Variants in VWA2 observed in about 807,000 individuals in gnomAD.
The protein encoded by VWA2 is von Willebrand factor A domain containing 2.
VWA2 carries 73 observed loss-of-function variants against 70.4 expected under a neutral mutation model. The ratio of observed to expected loss-of-function variants is 1.04; its 90% confidence interval spans 0.86 to 1.26. VWA2 has a LOEUF of 1.26. Among genes scored for constraint, VWA2 ranks in the 50% most tolerant of loss-of-function variants. VWA2 has a pLI of 0.00. For synonymous variants in VWA2, 407 were observed against 423.3 expected, an observed-to-expected ratio of 0.96 and a Z score of 0.47; for missense variants, 1,011 against 998.5, an observed-to-expected ratio of 1.01 and a Z score of -0.17.
Position 114,294,081 on chromosome 10 carries a change from C to T in VWA2, c.*2844C>T, listed in dbSNP as rs2039845584. Among the ~76,000 whole-genome samples, 1 of 152,038 alleles carries T rather than the reference C, an allele frequency of 6.6e-6. No individual in the cohort carries two copies. Among genetic ancestry groups the T allele is most frequent in the Non-Finnish European group, 1.5e-5 (1 of 68,004 alleles). The stretch of plus-strand genomic sequence containing the variant: ...ATTATCTGTTAATGTGATAGGTTAT[C>T]CATTTGTGTATTTTCAATCATTGAA... On this transcript the variant is annotated 3_prime_UTR_variant, in exon 14 of 14. Coordinates refer to ENST00000392982, the MANE Select transcript of VWA2 (RefSeq NM_001272046.2).
chr10:114,283,561 G>A (rs190381121), intron 9 of VWA2, among the ~76,000 whole-genome samples: 1 of 152,316 alleles, frequency 6.6e-6, no homozygotes, highest in African/African-American at 2.4e-5. Context: ...TTGGAAACTA[G>A]AGTGAAATGG....
chr10:114,269,076 C>A (rs1043827866), intron 5 of VWA2, among the ~76,000 whole-genome samples: 1 of 152,152 alleles, frequency 6.6e-6, no homozygotes, highest in Non-Finnish European at 1.5e-5. Flanking sequence ...TTACCTTGGT[C>A]GCAAGCCAGC....
At chr10:114,282,482 G>A (rs1459213778) in intron 8 of VWA2, 34 bp from the exon 9 acceptor site, 3 of 1,592,520 alleles carry the variant, frequency 1.9e-6, no homozygotes, top group Non-Finnish European at 2.6e-6. Context: ...TTACACCTCT[G>A]ATCTGTCTAT....
In VWA2 at chr10:114,242,327, A is replaced by G. The variant is rs1220032431; in HGVS notation, c.-11+2758A>G. ...AGAGAGAAGGAAATTGAGAGACTGA[A>G]GTGGAGGAATTTACCCAGGAGGCTC... On this transcript the variant is annotated intron_variant, in intron 1 of 13. Transcript: ENST00000392982. Among the ~76,000 whole-genome samples, 4 of 152,284 alleles carry G rather than the reference A, an allele frequency of 2.6e-5. No homozygotes were observed. In the East Asian group the frequency reaches 5.8e-4, roughly 22 times the overall value.
At chr10:114,281,731 T>C in intron 8 of VWA2, 1 of 985,384 alleles carries the variant, frequency 1.0e-6, no homozygotes, top group Non-Finnish European at 1.2e-6. Context: ...GCGGGAGGCC[T>C]GGAGCCTTGC....
rs775094333 is a variant in VWA2, at chr10:114,289,145, C to T, written c.1778C>T (p.Ala593Val). The T allele has an allele frequency of 2.0e-5, 33 of 1,613,716 alleles. No homozygotes were observed. The highest frequency in any genetic ancestry group is 5.5e-5 in the South Asian group (5 of 91,054). Reference protein sequence around the residue: ...FGLDTKPTRAAMLRAISQAPY... With the variant: ...FGLDTKPTRAVMLRAISQAPY... ...CTGGACACCAAACCCACCCGGGCTG[C>T]GATGCTGCGGGCCATTAGCCAGGCC... Residue 593 changes from alanine (A) to valine (V), a missense_variant, in exon 12 of 14, where the codon GCG becomes GTG. Ala to Val is a moderately conservative substitution (Grantham distance 64, BLOSUM62 0). Transcript: ENST00000392982.
At chr10:114,289,520 G>T in intron 12 of VWA2, 31 bp downstream of exon 12, 1 of 1,609,998 alleles carries the variant, frequency 6.2e-7, no homozygotes, top group South Asian at 1.1e-5. Context: ...CCTCAGGGCT[G>T]CCCCCATGGC....
chr10:114,285,111 A>C (rs1461521661), intron 10 of VWA2, 141 bp downstream of exon 10: 8 of 619,852 alleles, frequency 1.3e-5, no homozygotes, highest in Non-Finnish European at 1.8e-5. Context: ...ACTGGTCTGC[A>C]GTTCACGTGG....
At chr10:114,278,132 C>G in intron 7 of VWA2, 85 bp downstream of exon 7, 2 of 1,524,350 alleles carry the variant, frequency 1.3e-6, no homozygotes, top group Non-Finnish European at 1.8e-6. Context: ...GACCCAGGAG[C>G]CTCCCAAGGA....
chr10:114,240,494 A>G (rs2036956526), intron 1 of VWA2, among the ~76,000 whole-genome samples: 1 of 152,236 alleles, frequency 6.6e-6, no homozygotes, highest in Non-Finnish European at 1.5e-5. Flanking sequence ...GATGTCTTGG[A>G]GATTGGAATA....
chr10:114,286,612 G>C (rs999139659), intron 11 of VWA2, 101 bp downstream of exon 11: 32 of 1,055,714 alleles, frequency 3.0e-5, no homozygotes, highest in Non-Finnish European at 4.3e-5. Flanking sequence ...GCCTCTTCTA[G>C]GGGCTGAAAC....
chr10:114,265,247 T>G (rs1433147122), intron 5 of VWA2, among the ~76,000 whole-genome samples: 1 of 148,376 alleles, frequency 6.7e-6, no homozygotes, highest in African/African-American at 2.4e-5. Flanking sequence ...GAATTTTATG[T>G]TATGTAAGTT....
At chr10:114,262,000 G>A (rs2037454668) in intron 5 of VWA2, among the ~76,000 whole-genome samples, 2 of 152,046 alleles carry the variant, frequency 1.3e-5, no homozygotes. Context: ...AGAGGAGGAG[G>A]TGACACACAT....
chr10:114,273,260 G>A (rs2037751941), intron 6 of VWA2, among the ~76,000 whole-genome samples: 1 of 152,126 alleles, frequency 6.6e-6, no homozygotes, highest in African/African-American at 2.4e-5. Flanking sequence ...CAGGAGCCAG[G>A]GACTTCAGTG....
At chr10:114,283,208 C>T (rs896037183) in intron 9 of VWA2, among the ~76,000 whole-genome samples, 1 of 152,066 alleles carries the variant, frequency 6.6e-6, no homozygotes, top group African/African-American at 2.4e-5. Context: ...TTGTTACTCC[C>T]GATGAGTAGC....
rs1030054666 is a variant in VWA2 at position 114,269,895 on chromosome 10, C to T, written c.372-2845C>T. Reference sequence around the variant, plus strand: ...GGCCAGTGGGTAGAGGAGCAGGTTGCTTCAAAGCCACCGAAGCACCTTGGC... The same window carrying T: ...GGCCAGTGGGTAGAGGAGCAGGTTGTTTCAAAGCCACCGAAGCACCTTGGC... On this transcript the variant is annotated intron_variant, in intron 5 of 13. Transcript: ENST00000392982. 1.7e-4 allele frequency among the ~76,000 whole-genome samples: 26 copies of T among 152,288 alleles called. No individual in the cohort carries two copies. The Middle Eastern group carries it at 0.01, about 60-fold the overall frequency.
chr10:114,254,823 G>T, intron 3 of VWA2, 92 bp from the exon 4 acceptor site: 1 of 1,534,282 alleles, frequency 6.5e-7, no homozygotes, highest in Non-Finnish European at 8.9e-7. Context: ...ACAGCAGCCT[G>T]GCCCACCACA....
intron 1 of VWA2, among the ~76,000 whole-genome samples, chr10:114,240,371 C>T (rs1021912995): frequency 6.6e-6 from 1 of 152,128 alleles, no homozygotes; most frequent in Non-Finnish European, 1.5e-5. Context: ...TTGCTGGGGG[C>T]ACCAGACAGA....
At chr10:114,246,823 C>A (rs1031945936) in intron 1 of VWA2, 1 of 899,462 alleles carries the variant, frequency 1.1e-6, no homozygotes, top group Non-Finnish European at 1.8e-6. Flanking sequence ...CAATCTAGAG[C>A]GCTACAAGAA....
Sources: allele counts gnomAD v4.1 joint callset (sites outside exome capture counted in the v4.1 genomes callset), GRCh38; gene constraint gnomAD v4.1.1; transcripts MANE v1.5; gene names NCBI Gene and HGNC (gene_info 2026-07-23, HGNC 2026-07-21).